ZP3: variants seen among roughly 807,000 people sequenced by gnomAD.
The protein encoded by ZP3 is zona pellucida sperm-binding protein 3.
In ZP3, 21 loss-of-function variants were observed where a neutral mutation model predicts 35.6. The ratio of observed to expected loss-of-function variants is 0.59; its 90% CI spans 0.42 to 0.85. The LOEUF (loss-of-function observed/expected upper bound fraction) is 0.85, where lower values mean the gene tolerates loss of function less well. Among genes scored for constraint, ZP3 ranks in the 40% least tolerant of loss-of-function variants. ZP3 has a pLI of 0.00. For missense variants in ZP3, 437 were observed against 536.5 expected (o/e 0.81, Z 1.83); for synonymous variants, 207 against 214.5 (o/e 0.96, Z 0.31).
At position 76,405,302 on chromosome 7, in the gene ZP3, TATATATATATA is replaced by T. The variant is rs1563686888; in HGVS notation, c.-67+7506_-67+7516del. Among the ~76,000 whole-genome samples the T allele has an allele frequency of 9.1e-4, 53 of 58,342 alleles. 1 individual carries two copies. The highest frequency in any genetic ancestry group is 3.8e-3 in the African/African-American group (50 of 13,152). 38.3% of individuals were successfully genotyped at this position (58,342 alleles called of 152,430 possible). On this transcript the variant is annotated intron_variant, in intron 1 of 8. Transcript: ENST00000336517. The stretch of plus-strand genomic sequence containing the variant: ...ATATATATATATATATATATATATA[TATATATATATA>T]TATGTATTTTTTTCTTTCTTTCTTT...
At chr7:76,439,240 G>GT (rs1806121450) in intron 5 of ZP3, among the ~76,000 whole-genome samples, 2 of 150,932 alleles carry the variant, frequency 1.3e-5, no homozygotes, top group South Asian at 4.2e-4. Context: ...GAAACAACTT[G>GT]GTCTTGCCTT....
Position 76,437,171 on chromosome 7 carries a change from C to CTTTTTTTTTT in ZP3, c.831+3030_831+3039dup, listed in dbSNP as rs869115807. ...CCTCAACAGAGCAAGACCCTGTGTA[C>CTTTTTTTTTT]TTTTTTTTTTTTTTTTTTTTTTTGG... On this transcript the variant is annotated intron_variant, in intron 5 of 7. Coordinates refer to ENST00000394857, the MANE Select transcript of ZP3 (RefSeq NM_001110354.2). 7.0e-4 allele frequency among the ~76,000 whole-genome samples: 55 copies of CTTTTTTTTTT among 78,710 alleles called. 1 individual carries two copies. Among genetic ancestry groups the CTTTTTTTTTT allele is most frequent in the African/African-American group, 2.7e-3 (52 of 19,600 alleles). The allele number at this position is 78,710 out of a possible 152,430, so 51.6% of individuals were successfully genotyped here.
chr7:76,424,146 A>T (rs1433756602), upstream of ZP3, among the ~76,000 whole-genome samples: 1 of 152,092 alleles, frequency 6.6e-6, no homozygotes, highest in African/African-American at 2.4e-5. Context: ...CTGACTCTTC[A>T]ATCAAGGGCT....
intron 1 of ZP3, among the ~76,000 whole-genome samples, chr7:76,413,951 G>A (rs1805308297): frequency 6.6e-6 from 1 of 151,448 alleles, no homozygotes; most frequent in Non-Finnish European, 1.5e-5. Flanking sequence ...ATAGGCATGA[G>A]CCACCTCATC....
chr7:76,414,183 G>A (rs1456051369), intron 1 of ZP3, among the ~76,000 whole-genome samples: 1 of 151,738 alleles, frequency 6.6e-6, no homozygotes, highest in Admixed American at 6.6e-5. Flanking sequence ...TTTTAGTAGA[G>A]ATGTGGTTTT....
chr7:76,397,642 G>C (rs1209761962), exon 1 of ZP3: 1 of 1,613,618 alleles, frequency 6.2e-7, no homozygotes, highest in African/African-American at 1.3e-5. Context: ...GGATGTGTCC[G>C]GTGCCATAGC....
intron 1 of ZP3, among the ~76,000 whole-genome samples, chr7:76,419,066 C>A (rs1438722420): frequency 6.6e-6 from 1 of 152,020 alleles, no homozygotes; most frequent in Non-Finnish European, 1.5e-5. Context: ...TAAAATGGAG[C>A]AAATAGTGCC....
upstream of ZP3, among the ~76,000 whole-genome samples, chr7:76,420,899 A>G (rs562714553): frequency 7.8e-5 from 11 of 141,292 alleles, no homozygotes; most frequent in South Asian, 2.5e-3. Flanking sequence ...ATACATATAT[A>G]TTTCCACGTG....
At chr7:76,403,518 A>G (rs1329022846) in intron 1 of ZP3, among the ~76,000 whole-genome samples, 2 of 151,176 alleles carry the variant, frequency 1.3e-5, no homozygotes, top group South Asian at 4.2e-4. Flanking sequence ...TTGTATTTTT[A>G]GTAGAGACGG....
intron 1 of ZP3, among the ~76,000 whole-genome samples, chr7:76,417,936 C>CTT (rs199588361): frequency 8.0e-5 from 11 of 137,764 alleles, no homozygotes; most frequent in African/African-American, 3.1e-4. Flanking sequence ...TTCTTTCTTT[C>CTT]TTTCTTTTTT....
At chr7:76,398,775 TG>T (rs757682486) in intron 1 of ZP3, 1 of 1,613,138 alleles carries the variant, frequency 6.2e-7, no homozygotes, top group East Asian at 2.2e-5. Context: ...TCTTCCTTGT[TG>T]GGGGCTGCGT....
chr7:76,418,371 T>C (rs1400907023), intron 1 of ZP3, among the ~76,000 whole-genome samples: 1 of 151,174 alleles, frequency 6.6e-6, no homozygotes, highest in Non-Finnish European at 1.5e-5. Flanking sequence ...GCCAACGTGG[T>C]GAAACACCTT....
At chr7:76,412,325 A>T (rs1805268782) in intron 1 of ZP3, among the ~76,000 whole-genome samples, 1 of 152,220 alleles carries the variant, frequency 6.6e-6, no homozygotes, top group South Asian at 2.1e-4. Flanking sequence ...GATTCCGTTT[A>T]TAAAACATCT....
chr7:76,408,016 C>T (rs1805096674), intron 1 of ZP3, among the ~76,000 whole-genome samples: 1 of 152,146 alleles, frequency 6.6e-6, no homozygotes, highest in African/African-American at 2.4e-5. Context: ...CTGGGCTACT[C>T]TTGGTGTTGG....
At chr7:76,426,907 C>CACACACACACACACAA (rs57796274) in intron 1 of ZP3, among the ~76,000 whole-genome samples, 3,765 of 126,832 alleles carry the variant, frequency 0.03, 163 homozygotes, top group African/African-American at 0.077. Flanking sequence ...CACACACACA[C>CACACACACACACACAA]AATAGGGTGT....
chr7:76,440,617 T>C lies in ZP3; in HGVS notation c.1060+6T>C, dbSNP rs1263089614. The C allele has an allele frequency of 6.2e-7, 1 of 1,608,276 alleles. No individual in the cohort carries two copies. Among genetic ancestry groups the C allele is most frequent in the South Asian group, 1.1e-5 (1 of 90,648 alleles). On this transcript the variant is annotated splice_donor_region_variant and intron_variant, in intron 7 of 7. Coordinates refer to ENST00000394857, the MANE Select transcript of ZP3 (RefSeq NM_001110354.2). The stretch of plus-strand genomic sequence containing the variant: ...TTCCCGTAACCGCAGGCATGGTATG[T>C]CACAGAATGGCCAAGAGGCTGTTCA...
chr7:76,430,048 C>T (rs933960251), intron 2 of ZP3, among the ~76,000 whole-genome samples: 1 of 151,798 alleles, frequency 6.6e-6, no homozygotes, highest in African/African-American at 2.4e-5. Context: ...ATGGTGAAAC[C>T]CCATCTCTAC....
chr7:76,429,419 C>T lies in ZP3; in HGVS notation c.313-96C>T, dbSNP rs1371295133. The stretch of plus-strand genomic sequence containing the variant: ...GGCCTTGACCCTGTGGTCTTTCTGT[C>T]CCCTTGTGGGCTGCCCTCCCTGAGC... On this transcript the variant is annotated intron_variant, in intron 1 of 7. Coordinates refer to ENST00000394857, the MANE Select transcript of ZP3 (RefSeq NM_001110354.2). 1.2e-5 allele frequency: 14 copies of T among 1,159,684 alleles called. No individual in the cohort carries two copies. In the Admixed American group the frequency reaches 2.0e-4, roughly 17 times the overall value. The allele number at this position is 1,159,684 out of a possible 1,614,324, so 71.8% of individuals were successfully genotyped here.
At chr7:76,422,087 G>A (rs1250007452), upstream of ZP3, among the ~76,000 whole-genome samples, 2 of 151,918 alleles carry the variant, frequency 1.3e-5, no homozygotes, top group Admixed American at 6.6e-5. Context: ...GTAGAGACGG[G>A]GTTTCTCCAT....
Sources: gnomAD v4.1 joint callset for allele counts (sites outside exome capture counted in the v4.1 genomes callset) on GRCh38, gnomAD v4.1.1 for gene constraint, MANE v1.5 for transcripts, NCBI Gene and HGNC (gene_info 2026-07-23, HGNC 2026-07-21) for gene names.